CDC42BPA: variants seen among roughly 807,000 people sequenced by gnomAD.
CDC42BPA encodes CDC42 binding protein kinase alpha, also known as serine/threonine-protein kinase MRCK alpha.
Under a neutral mutation model 223.5 loss-of-function variants are expected in CDC42BPA, and 80 were observed. The observed-to-expected ratio is 0.36, with a 90% CI of 0.30 to 0.43. The LOEUF (loss-of-function observed/expected upper bound fraction) is 0.43, where lower values mean the gene tolerates loss of function less well. Among genes scored for constraint, CDC42BPA ranks in the 20% least tolerant of loss-of-function variants. The pLI is 1.00. For synonymous variants in CDC42BPA, 694 were observed against 718.6 expected, an observed-to-expected ratio of 0.97 and a Z score of 0.55; for missense variants, 1,743 against 2,099.9, an observed-to-expected ratio of 0.83 and a Z score of 3.32.
chr1:227,298,785 A>C (rs7523759), intron 1 of CDC42BPA, among the ~76,000 whole-genome samples: 17,603 of 152,240 alleles, frequency 0.12, 1,231 homozygotes, highest in South Asian at 0.19. Context: ...TACAGAGAAG[A>C]AAGCACATGA....
At chr1:226,995,801 T>C (rs1661492668) in intron 35 of CDC42BPA, among the ~76,000 whole-genome samples, 1 of 152,190 alleles carries the variant, frequency 6.6e-6, no homozygotes, top group South Asian at 2.1e-4. Context: ...GACAAGGTTT[T>C]TGCTTAAACA....
chr1:227,137,978 T>G (rs1199850498), intron 10 of CDC42BPA, among the ~76,000 whole-genome samples: 4 of 152,102 alleles, frequency 2.6e-5, no homozygotes, highest in Non-Finnish European at 5.9e-5. Flanking sequence ...AGGCTTATAC[T>G]TAAAAGTAGA....
At chr1:227,112,022 A>C (rs1687011671) in intron 14 of CDC42BPA, 1 of 236,230 alleles carries the variant, frequency 4.2e-6, no homozygotes, top group African/African-American at 2.2e-5. Context: ...TGGATATCTA[A>C]CCATGACTCC....
chr1:227,084,966 A>G lies in CDC42BPA; in HGVS notation c.2356-3949T>C, dbSNP rs921155290. On this transcript the variant is annotated intron_variant, in intron 16 of 36. Coordinates refer to ENST00000366766, the MANE Select transcript of CDC42BPA (RefSeq NM_001394014.1). ...CTGAATGCACCAATAGTAGGGGGGA[A>G]CATCAGCTGTGACATCAGCTTCTCC... Among the ~76,000 whole-genome samples the G allele has an allele frequency of 3.3e-5, 5 of 152,296 alleles. No individual in the cohort carries two copies. In the East Asian group the frequency reaches 9.7e-4, roughly 29 times the overall value.
At chr1:227,155,735 A>G (rs1662629028) in intron 6 of CDC42BPA, among the ~76,000 whole-genome samples, 1 of 152,218 alleles carries the variant, frequency 6.6e-6, no homozygotes, top group African/African-American at 2.4e-5. Context: ...AAGGTTCTGA[A>G]GAAAAGAAAT....
intron 4 of CDC42BPA, among the ~76,000 whole-genome samples, chr1:227,198,677 T>C (rs1220376481): frequency 3.3e-5 from 5 of 152,078 alleles, no homozygotes; most frequent in African/African-American, 9.7e-5. Flanking sequence ...TTATTTTTTT[T>C]CCTTGTTTCC....
At chr1:227,180,075 AC>A (rs1321283915) in intron 5 of CDC42BPA, among the ~76,000 whole-genome samples, 1 of 152,126 alleles carries the variant, frequency 6.6e-6, no homozygotes, top group Non-Finnish European at 1.5e-5. Context: ...GCATGGTGGC[AC>A]AAACCTGTAA....
At chr1:227,097,220 A>G (rs1684172649) in intron 15 of CDC42BPA, among the ~76,000 whole-genome samples, 1 of 151,968 alleles carries the variant, frequency 6.6e-6, no homozygotes. Context: ...TTTTACCTCT[A>G]TGTTCTGCCT....
At chr1:227,208,288 T>G (rs1673196470) in intron 3 of CDC42BPA, among the ~76,000 whole-genome samples, 3 of 149,422 alleles carry the variant, frequency 2.0e-5, no homozygotes, top group African/African-American at 7.4e-5. Context: ...GCAAAAATGT[T>G]CTCCCATTTT....
At chr1:227,213,722 C>T (rs1197541480) in intron 2 of CDC42BPA, among the ~76,000 whole-genome samples, 1 of 152,084 alleles carries the variant, frequency 6.6e-6, no homozygotes, top group Non-Finnish European at 1.5e-5. Context: ...TTTCATATCA[C>T]ATACTCTTAC....
chr1:227,087,079 T>A (rs1233682600), intron 16 of CDC42BPA, among the ~76,000 whole-genome samples: 1 of 152,242 alleles, frequency 6.6e-6, no homozygotes, highest in African/African-American at 2.4e-5. Flanking sequence ...ATGTTCTTTT[T>A]AAATTTTGAT....
chr1:227,313,098 G>C (rs1011423861), intron 1 of CDC42BPA, among the ~76,000 whole-genome samples: 9 of 152,004 alleles, frequency 5.9e-5, no homozygotes, highest in African/African-American at 2.2e-4. Context: ...AAAATAAAAA[G>C]AGTAATGTTC....
In CDC42BPA at chr1:226,999,591, A is replaced by C. The variant is rs540837831; in HGVS notation, c.4976-4611T>G. 3.2e-4 allele frequency among the ~76,000 whole-genome samples: 49 copies of C among 152,258 alleles called. No individual in the cohort carries two copies. In the Middle Eastern group the frequency reaches 0.014, roughly 42 times the overall value. ...AAATACCATTTGACCCAGCAATCCC[A>C]TTATTGGGTATATACTCAAAGGATT... On this transcript the variant is annotated intron_variant, in intron 35 of 36. Coordinates refer to ENST00000366766, the MANE Select transcript of CDC42BPA (RefSeq NM_001394014.1).
intron 10 of CDC42BPA, among the ~76,000 whole-genome samples, chr1:227,136,061 A>G (rs913367617): frequency 4.8e-5 from 7 of 146,464 alleles, no homozygotes; most frequent in Non-Finnish European, 1.1e-4. Flanking sequence ...CAAATGAAAG[A>G]AAAAAACAGA....
chr1:227,183,498 G>A (rs1668281114), intron 5 of CDC42BPA: 2 of 152,156 alleles, frequency 1.3e-5, no homozygotes, highest in African/African-American at 2.4e-5. Context: ...CACCCTTGAG[G>A]CCCCTCCGGG....
At chr1:227,293,463 A>G (rs1246553994) in intron 1 of CDC42BPA, among the ~76,000 whole-genome samples, 1 of 152,044 alleles carries the variant, frequency 6.6e-6, no homozygotes, top group Non-Finnish European at 1.5e-5. Context: ...ATTGCAAAAG[A>G]TATCTACATC....
At chr1:227,203,464 TG>T (rs1470822185) in intron 3 of CDC42BPA, among the ~76,000 whole-genome samples, 1 of 152,138 alleles carries the variant, frequency 6.6e-6, no homozygotes, top group African/African-American at 2.4e-5. Flanking sequence ...AACCAAATCA[TG>T]ATGCACATAT....
intron 10 of CDC42BPA, among the ~76,000 whole-genome samples, chr1:227,138,539 A>G (rs1286721123): frequency 6.7e-6 from 1 of 148,968 alleles, no homozygotes; most frequent in Non-Finnish European, 1.5e-5. Flanking sequence ...AAAAAAAAAG[A>G]GAGCGTTATC....
intron 21 of CDC42BPA, among the ~76,000 whole-genome samples, chr1:227,066,397 A>G (rs1186851144): frequency 3.4e-5 from 5 of 145,936 alleles, no homozygotes; most frequent in African/African-American, 1.1e-4. Flanking sequence ...TCAAAAAAAA[A>G]AACAAAAACA....
Sources: allele counts gnomAD v4.1 joint callset (sites outside exome capture counted in the v4.1 genomes callset), GRCh38; gene constraint gnomAD v4.1.1; transcripts MANE v1.5; gene names NCBI Gene and HGNC (gene_info 2026-07-23, HGNC 2026-07-21).